Variants in LAMC3 observed in about 807,000 individuals in gnomAD.
LAMC3 encodes the protein laminin subunit gamma 3.
A neutral mutation model predicts 173.8 loss-of-function variants in LAMC3; 128 were observed. The ratio of observed to expected loss-of-function variants is 0.74; its 90% CI spans 0.64 to 0.85. The LOEUF is 0.85. Ranked by LOEUF, LAMC3 falls within the 40% of genes least tolerant of loss-of-function variation. LAMC3 has a pLI of 0.00. For missense variants in LAMC3, 2,022 were observed against 2,156.0 expected, an observed-to-expected ratio of 0.94 and a Z score of 1.23; for synonymous variants, 897 against 909.1, an observed-to-expected ratio of 0.99 and a Z score of 0.24.
intron 20 of LAMC3, among the ~76,000 whole-genome samples, chr9:131,074,193 C>A (rs887009154): frequency 6.6e-6 from 1 of 151,296 alleles, no homozygotes; most frequent in Non-Finnish European, 1.5e-5. Context: ...CGTGATCCAC[C>A]TGTCTCGGCC....
At chr9:131,054,574 T>A (rs1162309198) in intron 11 of LAMC3, among the ~76,000 whole-genome samples, 1 of 151,954 alleles carries the variant, frequency 6.6e-6, no homozygotes, top group Non-Finnish European at 1.5e-5. Context: ...GGCAATATGG[T>A]GAAACCCCAT....
intron 8 of LAMC3, among the ~76,000 whole-genome samples, chr9:131,048,397 A>G (rs968226794): frequency 1.3e-5 from 2 of 152,086 alleles, no homozygotes; most frequent in African/African-American, 4.8e-5. Context: ...ACTTCTCTTC[A>G]TGTTGACATC....
chr9:131,025,562 A>G (rs1220555410), intron 1 of LAMC3, among the ~76,000 whole-genome samples: 2 of 152,102 alleles, frequency 1.3e-5, no homozygotes, highest in Non-Finnish European at 1.5e-5. Context: ...GAGGGGGCCA[A>G]GGCAGGCAAA....
chr9:131,041,708 A>C lies in LAMC3; in HGVS notation c.1355A>C (p.Glu452Ala). The change falls in exon 7 of 28, where the codon GAG (glutamate) becomes GCG (alanine). Residue 452 changes from glutamate to alanine, a missense_variant. Transcript: ENST00000361069. The stretch of plus-strand genomic sequence containing the variant: ...CGCAGTGGGCGCTGCCCCTGCAAAG[A>C]GAATGTGGAAGGCAACCTATGTGAC... ...DPRSGRCPCK[E>A]NVEGNLCDRC... is the part of the protein sequence containing the mutation. 1 of 1,613,946 alleles carries C rather than the reference A, an allele frequency of 6.2e-7. No individual in the cohort carries two copies. Among genetic ancestry groups the C allele is most frequent in the South Asian group, 1.1e-5 (1 of 91,052 alleles).
In LAMC3 at chr9:131,091,999, T is replaced by G. The variant is rs114207313; in HGVS notation, c.*212T>G. On this transcript the variant is annotated 3_prime_UTR_variant, in exon 28 of 28. Coordinates refer to ENST00000361069, the MANE Select transcript of LAMC3 (RefSeq NM_006059.4). The stretch of plus-strand genomic sequence containing the variant: ...TGTGCGTACCCAGTTCACCTGGACA[T>G]GAGTGCACACTCTCACCCCTGCACA... The G allele has an allele frequency of 1.4e-3, 894 of 620,120 alleles. 10 individuals carry two copies. The African/African-American group carries it at 0.016, about 11-fold the overall frequency. 38.4% of individuals were successfully genotyped at this position (620,120 alleles called of 1,614,324 possible). A position where few individuals can be genotyped will look rare whatever the true frequency, so the allele number is the denominator to read the frequency against.
intron 11 of LAMC3, among the ~76,000 whole-genome samples, chr9:131,053,766 G>C (rs1834343119): frequency 6.6e-6 from 1 of 152,024 alleles, no homozygotes; most frequent in South Asian, 2.1e-4. Flanking sequence ...CCAGGAGGCG[G>C]AGGTTGTAGT....
At chr9:131,036,078 C>A (rs1006629911) in intron 3 of LAMC3, 88 bp from the exon 4 acceptor site, 9 of 1,412,048 alleles carry the variant, frequency 6.4e-6, no homozygotes, top group Non-Finnish European at 9.0e-6. Context: ...CTGGCTCACA[C>A]CTGCAAACAG....
chr9:131,071,678 G>A (rs1041106354), intron 18 of LAMC3, 53 bp downstream of exon 18: 65 of 1,495,700 alleles, frequency 4.3e-5, no homozygotes, highest in African/African-American at 5.6e-5. Context: ...GGCCCCCAGC[G>A]CCTGCAGTCT....
intron 14 of LAMC3, 114 bp from the exon 15 acceptor site, chr9:131,067,964 A>G (rs1055633454): frequency 3.5e-6 from 4 of 1,138,270 alleles, no homozygotes; most frequent in African/African-American, 3.0e-5. Context: ...TCTGGGCTGA[A>G]TGTGCCGTAT....
At chr9:131,066,836 C>A in intron 13 of LAMC3, 124 bp from the exon 14 acceptor site, 1 of 1,326,626 alleles carries the variant, frequency 7.5e-7, no homozygotes, top group Non-Finnish European at 1.0e-6. Context: ...GGTCCCAGGT[C>A]CTCCTGCCCA....
chr9:131,017,606 A>G (rs911952711), intron 1 of LAMC3, among the ~76,000 whole-genome samples: 4 of 151,074 alleles, frequency 2.6e-5, no homozygotes, highest in African/African-American at 4.9e-5. Flanking sequence ...GGCGCCTGTA[A>G]TCCCAGCTAC....
intron 2 of LAMC3, among the ~76,000 whole-genome samples, chr9:131,028,553 G>A (rs1833770147): frequency 6.6e-6 from 1 of 152,202 alleles, no homozygotes; most frequent in Non-Finnish European, 1.5e-5. Context: ...GGGTCCCCAG[G>A]ACCACCCTTG....
intron 24 of LAMC3, among the ~76,000 whole-genome samples, chr9:131,084,395 G>A (rs189219469): frequency 6.6e-5 from 10 of 151,906 alleles, no homozygotes; most frequent in African/African-American, 2.2e-4. Flanking sequence ...TCTTTTTGTA[G>A]AGATGAGGTC....
intron 11 of LAMC3, among the ~76,000 whole-genome samples, chr9:131,055,394 G>A (rs946139419): frequency 1.2e-4 from 18 of 148,688 alleles, no homozygotes; most frequent in Non-Finnish European, 2.2e-4. Context: ...ATTAGTATTC[G>A]TACATCCACA....
At chr9:131,034,002 C>A (rs1018634160) in intron 3 of LAMC3, among the ~76,000 whole-genome samples, 1 of 152,182 alleles carries the variant, frequency 6.6e-6, no homozygotes, top group Non-Finnish European at 1.5e-5. Flanking sequence ...AACCTGCCCC[C>A]TTATGTGAGT....
intron 3 of LAMC3, among the ~76,000 whole-genome samples, chr9:131,034,106 A>G (rs762303649): frequency 2.2e-4 from 33 of 152,198 alleles, no homozygotes; most frequent in Non-Finnish European, 4.4e-4. Context: ...TCCAGCTGCC[A>G]GAGCCAGACC....
rs984080961 is a variant in LAMC3 at position 131,029,195 on chromosome 9, C to T, written c.678+2606C>T. Among the ~76,000 whole-genome samples, 3 of 152,256 alleles carry T rather than the reference C, an allele frequency of 2.0e-5. No homozygotes were observed. The highest frequency in any genetic ancestry group is 4.8e-5 in the African/African-American group (2 of 41,478). On this transcript the variant is annotated intron_variant, in intron 2 of 27. Transcript: ENST00000361069. The surrounding 1 kb of genome is among the most constrained non-coding windows in gnomAD (Gnocchi z 4.6). ...CTCCCCTGGATCCAGGGCAAAGGGC[C>T]AGGCCCCTCTTTGGGCAAGCCGAAT...
chr9:131,045,058 C>T (rs892694513), intron 7 of LAMC3, among the ~76,000 whole-genome samples: 3 of 151,894 alleles, frequency 2.0e-5, no homozygotes, highest in Admixed American at 6.6e-5. Flanking sequence ...CCCGTTTCTA[C>T]TAAAAATACA....
chr9:131,022,158 C>G (rs542885834), intron 1 of LAMC3, among the ~76,000 whole-genome samples: 2 of 151,372 alleles, frequency 1.3e-5, no homozygotes, highest in Admixed American at 6.6e-5. Context: ...ACCCAAAATT[C>G]TAATGAAAGA....
Sources: gnomAD v4.1 joint callset for allele counts (sites outside exome capture counted in the v4.1 genomes callset) on GRCh38, gnomAD v4.1.1 for gene constraint, Gnocchi (gnomAD v3.1) non-coding constraint, MANE v1.5 for transcripts, NCBI Gene and HGNC (gene_info 2026-07-23, HGNC 2026-07-21) for gene names.